BTN3A3: variants seen among roughly 807,000 people sequenced by gnomAD.
BTN3A3 encodes the protein butyrophilin 3.
Under a neutral mutation model 43.2 loss-of-function variants are expected in BTN3A3, and 39 were observed. The observed-to-expected ratio is 0.90, with a 90% CI of 0.70 to 1.18. BTN3A3 has a LOEUF of 1.18. BTN3A3 is among the 50% of genes most tolerant of loss of function. The pLI is 0.00. For missense variants in BTN3A3, 631 were observed against 722.8 expected, an observed-to-expected ratio of 0.87 and a Z score of 1.46; for synonymous variants, 255 against 272.7, an observed-to-expected ratio of 0.93 and a Z score of 0.64.
rs761776152 is a variant in BTN3A3, at chr6:26,448,344, G to A, written c.812G>A (p.Trp271Ter). The change falls in exon 6 of 11, where the codon TGG becomes TAG. Residue 271 changes from tryptophan to a stop codon, truncating the protein, a stop_gained. Transcript: ENST00000244519. LOFTEE classifies it high-confidence loss of function. ...CTCGCAGGAGCCAGTTACTTCTTGT[G>A]GAGACAACAGAAGGAAAAAATTGCT... ...LLLAGASYFL[W>*]RQQKEKIALS... 1 of 1,613,864 alleles carries A rather than the reference G, an allele frequency of 6.2e-7. No homozygotes were observed. The highest frequency in any genetic ancestry group is 1.1e-5 in the South Asian group (1 of 91,070).
chr6:26,449,737 C>T, intron 9 of BTN3A3, 49 bp downstream of exon 9: 1 of 1,607,368 alleles, frequency 6.2e-7, no homozygotes, highest in Non-Finnish European at 8.5e-7. Context: ...GTACAATGAA[C>T]ATTTCAACTT....
chr6:26,451,865 C>T lies in BTN3A3; in HGVS notation c.1209C>T (p.Asp403=), dbSNP rs774134079. 1.2e-6 allele frequency: 2 copies of T among 1,613,994 alleles called. No homozygotes were observed. Among genetic ancestry groups the T allele is most frequent in the Non-Finnish European group, 1.7e-6 (2 of 1,179,990 alleles). ...ATTACTGGGAGGTGGAAGTGGGGGA[C>T]AGAAAAGAGTGGCATATTGGGGTAT... The part of the protein sequence containing the change: ...GRHYWEVEVG[D]RKEWHIGVCS... Residue 403 remains aspartate (D), a synonymous_variant, in exon 11 of 11, where the codon GAC becomes GAT. Transcript: ENST00000244519.
chr6:26,449,274 G>C (rs758433092), intron 8 of BTN3A3: 62 of 226,986 alleles, frequency 2.7e-4, no homozygotes, highest in East Asian at 8.6e-4. Flanking sequence ...CCCTGAAATT[G>C]CTCATTAAAT....
At position 26,445,749 on chromosome 6, in the gene BTN3A3, G is replaced by A. The variant is rs911431072; in HGVS notation, c.479G>A (p.Gly160Glu). 1 of 1,614,060 alleles carries A rather than the reference G, an allele frequency of 6.2e-7. No homozygotes were observed. Among genetic ancestry groups the A allele is most frequent in the Admixed American group, 1.7e-5 (1 of 60,012 alleles). ...ATTGAAGTGAAGGGTTATGAGGATG[G>A]AGGGATCCATCTGGAGTGCAGGTCC... ...LHIEVKGYED[G>E]GIHLECRSTG... The change falls in exon 5 of 11, where the codon GGA (glycine) becomes GAA (glutamate). Residue 160 changes from glycine (G) to glutamate (E), a missense_variant. By Grantham distance (98) the Gly-to-Glu change is moderately conservative. This residue lies in a region of BTN3A3 where 551 missense variants were observed against 584.0 expected (regional missense o/e 0.94). Coordinates refer to ENST00000244519, the MANE Select transcript of BTN3A3 (RefSeq NM_006994.5).
In BTN3A3 at chr6:26,448,239, C is replaced by A; in HGVS notation, c.716-9C>A. The A allele has an allele frequency of 6.2e-7, 1 of 1,612,580 alleles. No individual in the cohort carries two copies. Among genetic ancestry groups the A allele is most frequent in the South Asian group, 1.1e-5 (1 of 90,958 alleles). On this transcript the variant is annotated splice_polypyrimidine_tract_variant and intron_variant, in intron 5 of 10. Transcript: ENST00000244519. ...TAGCTCCCATGACCCACAGCTCTCC[C>A]CTTCGCAGACCCCTTCTTCAGGAGC...
chr6:26,444,164 C>G lies in BTN3A3; in HGVS notation c.293C>G (p.Ser98Trp), dbSNP rs138755245. 3.1e-5 allele frequency: 50 copies of G among 1,611,932 alleles called. No individual in the cohort carries two copies. The highest frequency in any genetic ancestry group is 3.8e-5 in the Non-Finnish European group (45 of 1,179,856). ...AGTGCACCGTATCGAGGGAGAACTTCGATTCTGCGGGATGGCATCACTGCA... is the reference window on the plus strand; with the variant it reads ...AGTGCACCGTATCGAGGGAGAACTTGGATTCTGCGGGATGGCATCACTGCA... ...RQSAPYRGRT[S>W]ILRDGITAGK... Residue 98 changes from serine (S) to tryptophan (W), a missense_variant, in exon 4 of 11, where the codon TCG becomes TGG. Around this residue, in one of 2 missense-constraint regions of BTN3A3, gnomAD observed 80 missense variants for 138.7 expected, o/e 0.58. Transcript: ENST00000244519.
In BTN3A3 at chr6:26,448,270, G is replaced by T. The variant is rs775127231; in HGVS notation, c.738G>T (p.Gln246His). The change falls in exon 6 of 11, where the codon CAG becomes CAT. Residue 246 changes from glutamine (Q) to histidine (H), a missense_variant. Gln to His is a conservative substitution (Grantham distance 24, BLOSUM62 0). Transcript: ENST00000244519. Reference protein sequence around the residue: ...SIADPFFRSAQPWIAALAGTL... With the variant: ...SIADPFFRSAHPWIAALAGTL... ...CAGACCCCTTCTTCAGGAGCGCCCAGCCCTGGATCGCGGCCCTGGCAGGGA... is the reference window on the plus strand; with the variant it reads ...CAGACCCCTTCTTCAGGAGCGCCCATCCCTGGATCGCGGCCCTGGCAGGGA... 2 of 1,613,528 alleles carry T rather than the reference G, an allele frequency of 1.2e-6. No individual in the cohort carries two copies. The highest frequency in any genetic ancestry group is 1.7e-4 in the Middle Eastern group (1 of 6,012).
Position 26,445,817 on chromosome 6 carries a change from A to G in BTN3A3, c.547A>G (p.Lys183Glu), listed in dbSNP as rs1292567416. The G allele has an allele frequency of 6.2e-7, 1 of 1,614,070 alleles. No homozygotes were observed. Among genetic ancestry groups the G allele is most frequent in the African/African-American group, 1.3e-5 (1 of 74,916 alleles). Residue 183 changes from lysine to glutamate, a missense_variant, in exon 5 of 11, where the codon AAG (lysine) becomes GAG (glutamate). Physicochemically the swap from Lys to Glu is moderately conservative, Grantham distance 56. Transcript: ENST00000244519. ...ACCCCAAATAAAGTGGAGCGACACC[A>G]AGGGAGAGAACATCCCGGCTGTGGA... ...PQPQIKWSDT[K>E]GENIPAVEAP...
At chr6:26,449,828 T>C in intron 9 of BTN3A3, 140 bp downstream of exon 9, 1 of 1,155,884 alleles carries the variant, frequency 8.7e-7, no homozygotes, top group Non-Finnish European at 1.3e-6. Context: ...TGGTAGGGGG[T>C]TGACTTCTGC....
chr6:26,448,680 C>A (rs377141100), intron 7 of BTN3A3, 43 bp downstream of exon 7: 4 of 1,613,892 alleles, frequency 2.5e-6, no homozygotes, highest in Non-Finnish European at 3.4e-6. Flanking sequence ...GTCTTCTTAT[C>A]CCCACTTTGA....
chr6:26,447,455 TG>T (rs112546286), intron 5 of BTN3A3, among the ~76,000 whole-genome samples: 5,405 of 152,136 alleles, frequency 0.036, 293 homozygotes, highest in African/African-American at 0.12. Context: ...CCCCGCTTCC[TG>T]GGTTGAAGCA....
In BTN3A3 at chr6:26,445,888, A is replaced by C; in HGVS notation, c.618A>C (p.Ala206=). 1 of 1,614,224 alleles carries C rather than the reference A, an allele frequency of 6.2e-7. No individual in the cohort carries two copies. Among genetic ancestry groups the C allele is most frequent in the South Asian group, 1.1e-5 (1 of 91,088 alleles). ...GAGTGGGCCTGTATGCAGTAGCAGC[A>C]TCTGTGATCATGAGAGGCAGCTCTG... ...ADGVGLYAVA[A]SVIMRGSSGG... is the part of the protein sequence containing the mutation. Residue 206 remains alanine, a synonymous_variant, in exon 5 of 11, where the codon GCA becomes GCC. Transcript: ENST00000244519.
In BTN3A3 at chr6:26,452,231, C is replaced by G. The variant is rs1762952193; in HGVS notation, c.1575C>G (p.Asp525Glu). The G allele has an allele frequency of 1.2e-6, 2 of 1,614,078 alleles. No individual in the cohort carries two copies. Among genetic ancestry groups the G allele is most frequent in the African/African-American group, 2.7e-5 (2 of 74,906 alleles). ...PKEVESSPDP[D>E]LVPDHSLETP... The stretch of plus-strand genomic sequence containing the variant: ...AAGTAGAGAGTTCCCCCGATCCTGA[C>G]CTAGTGCCTGATCATTCCCTGGAGA... Residue 525 changes from aspartate to glutamate, a missense_variant, in exon 11 of 11, where the codon GAC becomes GAG. Asp to Glu is a conservative substitution (Grantham distance 45). This residue lies in a region of BTN3A3 where 551 missense variants were observed against 584.0 expected (regional missense o/e 0.94). Transcript: ENST00000244519.
intron 1 of BTN3A3, among the ~76,000 whole-genome samples, chr6:26,442,346 T>G (rs1399612862): frequency 6.6e-6 from 1 of 152,216 alleles, no homozygotes; most frequent in Non-Finnish European, 1.5e-5. Flanking sequence ...TTTCAATATT[T>G]TAAAAGTAAA....
Position 26,444,210 on chromosome 6 carries a change from A to G in BTN3A3, c.339A>G (p.Ile113Met). ...CTGCAGGGAAGGCTGCTCTCCGAAT[A>G]CACAACGTCACAGCCTCTGACAGTG... is the stretch of plus-strand genomic sequence containing the variant. Reference protein sequence around the residue: ...GITAGKAALRIHNVTASDSGK... With the variant: ...GITAGKAALRMHNVTASDSGK... The change falls in exon 4 of 11, where the codon ATA becomes ATG. Residue 113 changes from isoleucine (I) to methionine (M), a missense_variant. Physicochemically the swap from Ile to Met is conservative, Grantham distance 10. Around this residue, in one of 2 missense-constraint regions of BTN3A3, gnomAD observed 551 missense variants for 584.0 expected, o/e 0.94. Coordinates refer to ENST00000244519, the MANE Select transcript of BTN3A3 (RefSeq NM_006994.5). 1 of 1,612,066 alleles carries G rather than the reference A, an allele frequency of 6.2e-7. No homozygotes were observed. The highest frequency in any genetic ancestry group is 8.5e-7 in the Non-Finnish European group (1 of 1,179,858).
rs1171135239 is a variant in BTN3A3 at position 26,452,725 on chromosome 6, C to T, written c.*314C>T. 3 of 288,354 alleles carry T rather than the reference C, an allele frequency of 1.0e-5. No individual in the cohort carries two copies. Among genetic ancestry groups the T allele is most frequent in the Non-Finnish European group, 1.3e-5 (2 of 153,574 alleles). The allele number at this position is 288,354 out of a possible 1,614,324, so 17.9% of individuals were successfully genotyped here. A position where few individuals can be genotyped will look rare whatever the true frequency, so the allele number is the denominator to read the frequency against. On this transcript the variant is annotated 3_prime_UTR_variant, in exon 11 of 11. Coordinates refer to ENST00000244519, the MANE Select transcript of BTN3A3 (RefSeq NM_006994.5). ...CATGAAGTAACTTACATAACTCATA[C>T]AGTAATTTGTGCAGTTGGGAGATGT...
In BTN3A3 at chr6:26,452,278, C is replaced by T; in HGVS notation, c.1622C>T (p.Ala541Val). 1 of 1,614,094 alleles carries T rather than the reference C, an allele frequency of 6.2e-7. No individual in the cohort carries two copies. Reference protein sequence around the residue: ...SLETPLTPGLANESGEPQAEV... With the variant: ...SLETPLTPGLVNESGEPQAEV... ...GAGACACCACTGACCCCGGGCTTAG[C>T]TAATGAAAGTGGGGAGCCTCAGGCT... Residue 541 changes from alanine to valine, a missense_variant, in exon 11 of 11, where the codon GCT (alanine) becomes GTT (valine). Transcript: ENST00000244519.
chr6:26,447,161 C>T (rs574177354), intron 5 of BTN3A3, among the ~76,000 whole-genome samples: 7 of 152,284 alleles, frequency 4.6e-5, no homozygotes, highest in Admixed American at 3.9e-4. Context: ...TCTCTCTACA[C>T]TAATATGGAA....
chr6:26,446,019 C>T (rs1762770537), intron 5 of BTN3A3, 34 bp downstream of exon 5: 1 of 1,610,220 alleles, frequency 6.2e-7, no homozygotes, highest in South Asian at 1.1e-5. Flanking sequence ...CTTTACTGAG[C>T]TGAGCTGTGG....
Sources: allele counts gnomAD v4.1 joint callset (sites outside exome capture counted in the v4.1 genomes callset), GRCh38; gene constraint gnomAD v4.1.1; regional missense constraint gnomAD v4.1.1; transcripts MANE v1.5; gene names NCBI Gene and HGNC (gene_info 2026-07-23, HGNC 2026-07-21).